Variants in FBXL2 observed in about 807,000 individuals in gnomAD.
The protein encoded by FBXL2 is F-box/LRR-repeat protein 2.
FBXL2 carries 38 observed loss-of-function variants against 69.2 expected under a neutral mutation model. The ratio of observed to expected loss-of-function variants is 0.55; its 90% CI spans 0.42 to 0.72. The LOEUF is 0.72. Among genes scored for constraint, FBXL2 ranks in the 30% least tolerant of loss-of-function variants. The pLI is 0.00. For synonymous variants in FBXL2, 192 were observed against 201.3 expected, an observed-to-expected ratio of 0.95 and a Z score of 0.39; for missense variants, 354 against 520.3, an observed-to-expected ratio of 0.68 and a Z score of 3.11.
At chr3:33,377,167 A>G in intron 10 of FBXL2, 106 bp from the exon 11 acceptor site, 1 of 1,099,316 alleles carries the variant, frequency 9.1e-7, no homozygotes, top group South Asian at 1.3e-5. Context: ...ACAGAGGCAA[A>G]AGCATGTCAA....
At chr3:33,384,598 G>C (rs1261590886) in intron 14 of FBXL2, among the ~76,000 whole-genome samples, 2 of 152,138 alleles carry the variant, frequency 1.3e-5, no homozygotes, top group Non-Finnish European at 2.9e-5. Context: ...TTCCTGTTAT[G>C]CAATAGTTAT....
intron 1 of FBXL2, among the ~76,000 whole-genome samples, chr3:33,290,797 C>T (rs927618928): frequency 4.0e-5 from 6 of 151,852 alleles, no homozygotes; most frequent in Admixed American, 3.3e-4. Flanking sequence ...ACATCAGATT[C>T]AACTTTCTGA....
At chr3:33,390,030 T>C, downstream of FBXL2, 3 of 358,214 alleles carry the variant, frequency 8.4e-6, no homozygotes, top group Non-Finnish European at 1.5e-5. Flanking sequence ...CAGCAAAGGC[T>C]GCTTCTAGGA....
In FBXL2 at chr3:33,381,886, T is replaced by C. The variant is rs556561612; in HGVS notation, c.952-2103T>C. Among the ~76,000 whole-genome samples, 17 of 152,278 alleles carry C rather than the reference T, an allele frequency of 1.1e-4. No homozygotes were observed. In the South Asian group the frequency reaches 3.3e-3, roughly 30 times the overall value. ...GTGATTCGATTCATGAGAAAGGAAA[T>C]ATATTCCACATTGTTAAGATCAAGC... On this transcript the variant is annotated intron_variant, in intron 13 of 14. Transcript: ENST00000484457.
rs938077868 is a variant in FBXL2, at chr3:33,357,242, C to T, written c.66-1725C>T. ...GTATTTTCAAGGGAAACAGCTAACT[C>T]TTTTTTTACCTTTGGCTTATGCTTT... On this transcript the variant is annotated intron_variant, in intron 2 of 14. Coordinates refer to ENST00000484457, the MANE Select transcript of FBXL2 (RefSeq NM_012157.5). 3.9e-5 allele frequency among the ~76,000 whole-genome samples: 6 copies of T among 152,252 alleles called. 1 individual carries two copies. The South Asian group carries it at 1.2e-3, about 32-fold the overall frequency.
In FBXL2 at chr3:33,359,030, T is replaced by G. The variant is rs752787358; in HGVS notation, c.120+9T>G. 1 of 1,509,186 alleles carries G rather than the reference T, an allele frequency of 6.6e-7. No individual in the cohort carries two copies. Among genetic ancestry groups the G allele is most frequent in the South Asian group, 1.4e-5 (1 of 73,312 alleles). The allele number at this position is 1,509,186 out of a possible 1,614,324, so 93.5% of individuals were successfully genotyped here. ...GTGCACAGATTTCCAAGGTAGAGTA[T>G]TCACCAGATTTTTTAATCAATAAAT... On this transcript the variant is annotated intron_variant, in intron 3 of 14. Coordinates refer to ENST00000484457, the MANE Select transcript of FBXL2 (RefSeq NM_012157.5).
intron 5 of FBXL2, 100 bp downstream of exon 5, chr3:33,364,819 T>C: frequency 9.3e-7 from 1 of 1,081,058 alleles, no homozygotes; most frequent in South Asian, 1.3e-5. Flanking sequence ...GTTAAAATTC[T>C]TTCTGTGGTA....
intron 2 of FBXL2, among the ~76,000 whole-genome samples, chr3:33,325,851 TA>T (rs1312250905): frequency 6.6e-6 from 1 of 152,158 alleles, no homozygotes; most frequent in African/African-American, 2.4e-5. Flanking sequence ...AACCCAGCCA[TA>T]AAAATTTCTA....
At chr3:33,392,429 TCTCA>T (rs1208693400), downstream of FBXL2, 9 of 735,864 alleles carry the variant, frequency 1.2e-5, no homozygotes, top group African/African-American at 1.6e-4. Context: ...CTAGAAATAT[TCTCA>T]TTTATCAAAC....
At chr3:33,392,903 A>G (rs1053361339), downstream of FBXL2, 9 of 369,828 alleles carry the variant, frequency 2.4e-5, no homozygotes, top group Non-Finnish European at 3.4e-5. Context: ...AAAATTGCAT[A>G]AAGTGCTCTT....
chr3:33,281,823 T>G (rs75114155), intron 1 of FBXL2, among the ~76,000 whole-genome samples: 64,255 of 151,002 alleles, frequency 0.43, 15,639 homozygotes, highest in African/African-American at 0.63. Context: ...TCATGTGTTT[T>G]TTGGCTGCAT....
chr3:33,299,279 T>C (rs1372403852), intron 2 of FBXL2, among the ~76,000 whole-genome samples: 1 of 152,106 alleles, frequency 6.6e-6, no homozygotes, highest in Admixed American at 6.5e-5. Flanking sequence ...TGATCTCAGG[T>C]AATCCGCCCG....
At position 33,385,831 on chromosome 3, in the gene FBXL2, C is replaced by G; in HGVS notation, c.*223C>G. On this transcript the variant is annotated 3_prime_UTR_variant, in exon 15 of 15. Transcript: ENST00000484457. The stretch of plus-strand genomic sequence containing the variant: ...AAGCCTTGTGTCAGTTAACACATGA[C>G]AAGTGGTCTCAATGCAGCTAGGACC... 1 of 557,386 alleles carries G rather than the reference C, an allele frequency of 1.8e-6. No individual in the cohort carries two copies. The highest frequency in any genetic ancestry group is 3.2e-6 in the Non-Finnish European group (1 of 310,734). The allele number at this position is 557,386 out of a possible 1,614,324, so 34.5% of individuals were successfully genotyped here.
chr3:33,377,778 C>G (rs1216247340), intron 11 of FBXL2, among the ~76,000 whole-genome samples: 1 of 152,214 alleles, frequency 6.6e-6, no homozygotes, highest in Non-Finnish European at 1.5e-5. Flanking sequence ...AGTGCCCCAT[C>G]CCCATGCCCT....
chr3:33,422,663 T>A, the FBXL2 span, among the ~76,000 whole-genome samples: 1 of 144,212 alleles, frequency 6.9e-6, no homozygotes, highest in Non-Finnish European at 1.5e-5. Flanking sequence ...AGGTCAAGGC[T>A]GCAATAAGTC....
At chr3:33,397,034 C>T in intron 12 of FBXL2, 3 of 1,581,994 alleles carry the variant, frequency 1.9e-6, no homozygotes, top group African/African-American at 1.4e-5. Flanking sequence ...AAACAGTTCA[C>T]AGTATTTTAC....
At chr3:33,287,764 T>C (rs1180417106) in intron 1 of FBXL2, among the ~76,000 whole-genome samples, 1 of 152,262 alleles carries the variant, frequency 6.6e-6, no homozygotes, top group Non-Finnish European at 1.5e-5. Context: ...AAGCCTGGGC[T>C]CTTAACCATT....
chr3:33,377,027 C>CA (rs1173901930), intron 10 of FBXL2, among the ~76,000 whole-genome samples: 1 of 151,880 alleles, frequency 6.6e-6, no homozygotes, highest in Non-Finnish European at 1.5e-5. Context: ...AAAACAAAAC[C>CA]AAAAAACAAA....
intron 2 of FBXL2, among the ~76,000 whole-genome samples, chr3:33,337,802 G>A (rs763313225): frequency 6.6e-6 from 1 of 152,168 alleles, no homozygotes; most frequent in Non-Finnish European, 1.5e-5. Flanking sequence ...AAAGTCAGTA[G>A]CATTTCTGTA....
Sources: gnomAD v4.1 joint callset for allele counts (sites outside exome capture counted in the v4.1 genomes callset) on GRCh38, gnomAD v4.1.1 for gene constraint, MANE v1.5 for transcripts, NCBI Gene and HGNC (gene_info 2026-07-23, HGNC 2026-07-21) for gene names.